XNDC1N: variants seen among roughly 807,000 people sequenced by gnomAD.
XNDC1N encodes the protein XRCC1 N-terminal domain containing 1, N-terminal like.
At chr11:71,885,595 G>A in the XNDC1N span, among the ~76,000 whole-genome samples, 2 of 151,436 alleles carry the variant, frequency 1.3e-5, no homozygotes, top group South Asian at 2.1e-4. Context: ...GATATTGAAC[G>A]TAATATCATG....
At chr11:71,877,505 A>C in the XNDC1N span, among the ~76,000 whole-genome samples, 1 of 152,174 alleles carries the variant, frequency 6.6e-6, no homozygotes, top group Admixed American at 6.5e-5. Context: ...AGGCATGGAG[A>C]CGTGTGCCTG....
At chr11:71,891,413 T>G in the XNDC1N span, among the ~76,000 whole-genome samples, 1,923 of 151,806 alleles carry the variant, frequency 0.013, 39 homozygotes, top group African/African-American at 0.045. Context: ...AGGAAATGAC[T>G]AACAAGGTCA....
chr11:71,923,602 C>G, the XNDC1N span: 1 of 472,358 alleles, frequency 2.1e-6, no homozygotes, highest in East Asian at 3.8e-5. Flanking sequence ...GTCACCCAGA[C>G]TGGAGTGCAG....
At chr11:71,917,779 G>A in the XNDC1N span, 1 of 703,204 alleles carries the variant, frequency 1.4e-6, no homozygotes. Context: ...ACAGTTACCT[G>A]GGGACAAAAG....
At chr11:71,923,102 C>G in the XNDC1N span, among the ~76,000 whole-genome samples, 1 of 152,220 alleles carries the variant, frequency 6.6e-6, no homozygotes, top group Non-Finnish European at 1.5e-5. Flanking sequence ...GCTTTCTGTA[C>G]TTTCAACTTC....
At chr11:71,882,012 T>C in the XNDC1N span, among the ~76,000 whole-genome samples, 1 of 151,798 alleles carries the variant, frequency 6.6e-6, no homozygotes, top group Non-Finnish European at 1.5e-5. Context: ...GCTGAGAGAA[T>C]ACCAAGCAAG....
the XNDC1N span, chr11:71,919,172 ACT>A: frequency 1.6e-6 from 1 of 609,356 alleles, no homozygotes; most frequent in Non-Finnish European, 2.9e-6. Flanking sequence ...CCATAGGAAT[ACT>A]GTTATCATGT....
the XNDC1N span, among the ~76,000 whole-genome samples, chr11:71,897,297 A>G: frequency 6.6e-6 from 1 of 152,158 alleles, no homozygotes; most frequent in Non-Finnish European, 1.5e-5. Context: ...AACATAACCC[A>G]TGGATTAGGA....
At chr11:71,888,541 G>T in the XNDC1N span, among the ~76,000 whole-genome samples, 1 of 152,198 alleles carries the variant, frequency 6.6e-6, no homozygotes, top group Admixed American at 6.5e-5. Context: ...ATGCATCAGA[G>T]AGAGAAAAGA....
the XNDC1N span, among the ~76,000 whole-genome samples, chr11:71,886,994 T>A: frequency 2.6e-5 from 4 of 152,048 alleles, no homozygotes; most frequent in East Asian, 7.7e-4. Flanking sequence ...TGCCCTCAGC[T>A]CAAAAGAAAA....
chr11:71,916,503 T>C, the XNDC1N span: 3 of 461,928 alleles, frequency 6.5e-6, no homozygotes, highest in Non-Finnish European at 1.2e-5. Flanking sequence ...TCCACACTAT[T>C]CTCAGCATGA....
At chr11:71,896,973 T>C in the XNDC1N span, among the ~76,000 whole-genome samples, 3 of 152,234 alleles carry the variant, frequency 2.0e-5, no homozygotes, top group African/African-American at 4.8e-5. Flanking sequence ...AGAAAGCTCA[T>C]TGGTGGAACA....
At chr11:71,882,812 A>G in the XNDC1N span, among the ~76,000 whole-genome samples, 12 of 152,318 alleles carry the variant, frequency 7.9e-5, no homozygotes, top group African/African-American at 2.9e-4. Flanking sequence ...GAGTAAAATT[A>G]TCTATTTCCA....
the XNDC1N span, among the ~76,000 whole-genome samples, chr11:71,880,825 A>T: frequency 1.3e-5 from 2 of 152,186 alleles, no homozygotes; most frequent in Admixed American, 1.3e-4. Context: ...TAGTTTCCAA[A>T]GTTCTTCCTA....
the XNDC1N span, among the ~76,000 whole-genome samples, chr11:71,924,198 A>G: frequency 6.6e-6 from 1 of 152,120 alleles, no homozygotes; most frequent in Non-Finnish European, 1.5e-5. Context: ...AGACATCATC[A>G]ATGACTTGCT....
At chr11:71,884,901 C>A in the XNDC1N span, among the ~76,000 whole-genome samples, 1 of 151,360 alleles carries the variant, frequency 6.6e-6, no homozygotes, top group African/African-American at 2.4e-5. Flanking sequence ...TAAGAGCCAG[C>A]CCTTCTTGCC....
chr11:71,906,016 G>A, the XNDC1N span, among the ~76,000 whole-genome samples: 95 of 151,720 alleles, frequency 6.3e-4, no homozygotes, highest in African/African-American at 2.2e-3. Flanking sequence ...TGTAACATTA[G>A]GGGTAACATC....
the XNDC1N span, among the ~76,000 whole-genome samples, chr11:71,907,890 G>A: frequency 6.6e-6 from 1 of 152,150 alleles, no homozygotes; most frequent in South Asian, 2.1e-4. Context: ...CACTTCCTGT[G>A]ATGTTGGGAG....
the XNDC1N span, chr11:71,893,837 T>C: frequency 4.0e-6 from 4 of 996,250 alleles, 1 homozygote; most frequent in South Asian, 5.4e-5. Flanking sequence ...TATGACTGCT[T>C]TGTAGCCATC....
Sources: allele counts gnomAD v4.1 joint callset (sites outside exome capture counted in the v4.1 genomes callset), GRCh38; gene constraint gnomAD v4.1.1; transcripts MANE v1.5; gene names NCBI Gene and HGNC (gene_info 2026-07-23, HGNC 2026-07-21).